Variants in RARB observed in about 807,000 individuals in gnomAD.
The protein encoded by RARB is HBV-activated protein.
A neutral mutation model predicts 51.9 loss-of-function variants in RARB; 17 were observed. The observed-to-expected ratio is 0.33, with a 90% CI of 0.22 to 0.49. The LOEUF (loss-of-function observed/expected upper bound fraction) is 0.49, where lower values mean the gene tolerates loss of function less well. RARB is among the 20% of genes least tolerant of loss of function. The pLI is 0.99. For synonymous variants in RARB, 215 were observed against 195.4 expected, an observed-to-expected ratio of 1.10 and a Z score of -0.84; for missense variants, 369 against 550.8, an observed-to-expected ratio of 0.67 and a Z score of 3.30.
intron 5 of RARB, among the ~76,000 whole-genome samples, chr3:25,384,927 G>A (rs371302741): frequency 7.2e-5 from 11 of 152,156 alleles, no homozygotes; most frequent in African/African-American, 2.7e-4. Context: ...ATAAAAATTT[G>A]TATAGGTGTA....
intron 1 of RARB, among the ~76,000 whole-genome samples, chr3:25,451,662 G>C (rs1709200650): frequency 6.6e-6 from 1 of 152,168 alleles, no homozygotes; most frequent in African/African-American, 2.4e-5. Flanking sequence ...CGAGTGGCAA[G>C]GTATGTGACA....
intron 3 of RARB, among the ~76,000 whole-genome samples, chr3:25,550,913 A>T (rs1299438857): frequency 1.3e-5 from 2 of 152,178 alleles, no homozygotes; most frequent in Non-Finnish European, 2.9e-5. Flanking sequence ...TGCAAAGGAC[A>T]TGATCTCGTT....
intron 1 of RARB, among the ~76,000 whole-genome samples, chr3:24,857,127 AAAG>A (rs1378869772): frequency 1.3e-5 from 2 of 152,210 alleles, no homozygotes; most frequent in Admixed American, 1.3e-4. Flanking sequence ...CAAGCAATCT[AAAG>A]AAGTTAAAAA....
Position 25,569,107 on chromosome 3 carries a change from G to A in RARB, c.449-651G>A, listed in dbSNP as rs917029800. 3.3e-5 allele frequency among the ~76,000 whole-genome samples: 5 copies of A among 152,324 alleles called. No individual in the cohort carries two copies. The East Asian group carries it at 9.6e-4, about 29-fold the overall frequency. ...GTCAAGTGGCTACCAGCGAATAAGG[G>A]AATGAATGGTTTTCCAGGCTGAAGA... On this transcript the variant is annotated intron_variant, in intron 3 of 7. Transcript: ENST00000330688.
chr3:24,987,317 C>T (rs1012255321), intron 2 of RARB, among the ~76,000 whole-genome samples: 3 of 151,944 alleles, frequency 2.0e-5, no homozygotes, highest in Non-Finnish European at 2.9e-5. Flanking sequence ...TTAAAGCATA[C>T]AGAAAGGTCA....
chr3:25,065,931 G>T (rs1030719052), intron 3 of RARB, among the ~76,000 whole-genome samples: 2 of 152,028 alleles, frequency 1.3e-5, no homozygotes, highest in Non-Finnish European at 1.5e-5. Flanking sequence ...CAAAAATGAA[G>T]ATTTTTTTTT....
At chr3:25,518,078 T>C (rs1055432324) in intron 3 of RARB, among the ~76,000 whole-genome samples, 1 of 152,224 alleles carries the variant, frequency 6.6e-6, no homozygotes, top group Non-Finnish European at 1.5e-5. Context: ...TTTGTGAATA[T>C]ATTAAAAACC....
At chr3:25,468,980 C>T (rs1020905474) in intron 2 of RARB, among the ~76,000 whole-genome samples, 1 of 152,206 alleles carries the variant, frequency 6.6e-6, no homozygotes, top group African/African-American at 2.4e-5. Context: ...TCCACAAGGG[C>T]GCAGAGGAAA....
intron 5 of RARB, among the ~76,000 whole-genome samples, chr3:25,250,151 G>A (rs532574818): frequency 6.6e-6 from 1 of 152,278 alleles, no homozygotes; most frequent in South Asian, 2.1e-4. Context: ...TGTACAGGTG[G>A]TGCCAGCTGT....
At chr3:25,412,943 C>T (rs937596791) in intron 5 of RARB, among the ~76,000 whole-genome samples, 1 of 151,786 alleles carries the variant, frequency 6.6e-6, no homozygotes. Flanking sequence ...CACTTGAACC[C>T]GGGAGGCGGA....
intron 5 of RARB, among the ~76,000 whole-genome samples, chr3:25,313,587 A>G (rs1417768383): frequency 6.6e-6 from 1 of 152,094 alleles, no homozygotes; most frequent in East Asian, 1.9e-4. Context: ...TGGCTCCCAG[A>G]TCTCTTCTCC....
chr3:25,038,327 C>T (rs904703721), intron 2 of RARB, among the ~76,000 whole-genome samples: 1 of 151,824 alleles, frequency 6.6e-6, no homozygotes, highest in African/African-American at 2.4e-5. Context: ...CACTGCTGTT[C>T]ATGACATTTA....
At chr3:25,436,508 A>T (rs576513154) in intron 1 of RARB, among the ~76,000 whole-genome samples, 1 of 152,322 alleles carries the variant, frequency 6.6e-6, no homozygotes, top group African/African-American at 2.4e-5. Context: ...CTTAGAGATT[A>T]TTTATTGAAA....
intron 5 of RARB, chr3:25,324,295 A>T (rs17016197): frequency 0.014 from 2,428 of 172,304 alleles, 61 homozygotes; most frequent in African/African-American, 0.051. Context: ...CTGAGTGAGG[A>T]CAAGAACTCA....
intron 2 of RARB, among the ~76,000 whole-genome samples, chr3:24,940,205 T>C (rs557410893): frequency 3.3e-5 from 5 of 152,276 alleles, no homozygotes; most frequent in East Asian, 1.9e-4. Flanking sequence ...TCGTTTCATC[T>C]TTTCGTAGTA....
chr3:24,913,773 G>A (rs1695050803), intron 2 of RARB, among the ~76,000 whole-genome samples: 1 of 152,128 alleles, frequency 6.6e-6, no homozygotes, highest in South Asian at 2.1e-4. Context: ...TGGGGAAAAA[G>A]TTATCAAGAT....
At chr3:25,212,621 G>GA (rs1327699351) in intron 5 of RARB, among the ~76,000 whole-genome samples, 1 of 151,814 alleles carries the variant, frequency 6.6e-6, no homozygotes, top group South Asian at 2.1e-4. Context: ...TGTCTCAAAA[G>GA]AAAAAAAGAA....
chr3:24,961,422 A>T (rs1311679538), intron 2 of RARB, among the ~76,000 whole-genome samples: 1 of 152,238 alleles, frequency 6.6e-6, no homozygotes. Context: ...ATGGATATGA[A>T]CTGATGCTGA....
intron 2 of RARB, among the ~76,000 whole-genome samples, chr3:25,488,809 C>T (rs1696590623): frequency 6.6e-6 from 1 of 152,200 alleles, no homozygotes; most frequent in South Asian, 2.1e-4. Flanking sequence ...AATAAGGGCT[C>T]TGTCAGGGAA....
Sources: allele counts gnomAD v4.1 joint callset (sites outside exome capture counted in the v4.1 genomes callset), GRCh38; gene constraint gnomAD v4.1.1; transcripts MANE v1.5; gene names NCBI Gene and HGNC (gene_info 2026-07-23, HGNC 2026-07-21).